Variants in EYA1 observed in about 807,000 individuals in gnomAD.
The protein encoded by EYA1 is protein phosphatase EYA1.
A neutral mutation model predicts 82.0 loss-of-function variants in EYA1; 16 were observed. That is an observed-to-expected ratio of 0.20 (90% CI 0.13 to 0.30). The LOEUF (loss-of-function observed/expected upper bound fraction) is 0.30. Among genes scored for constraint, EYA1 ranks in the 10% least tolerant of loss-of-function variants. The pLI is 1.00. For missense variants in EYA1, 633 were observed against 730.7 expected, an observed-to-expected ratio of 0.87 and a Z score of 1.54; for synonymous variants, 261 against 264.4, an observed-to-expected ratio of 0.99 and a Z score of 0.12.
At chr8:71,310,780 GTTT>G (rs59115215) in intron 7 of EYA1, among the ~76,000 whole-genome samples, 16,935 of 151,920 alleles carry the variant, frequency 0.11, 1,330 homozygotes, top group East Asian at 0.43. Flanking sequence ...GAAAATCAGA[GTTT>G]TTTATGAACC....
chr8:71,394,365 C>T (rs1829459430), intron 2 of EYA1, among the ~76,000 whole-genome samples: 1 of 152,114 alleles, frequency 6.6e-6, no homozygotes, highest in Non-Finnish European at 1.5e-5. Flanking sequence ...AAGCCCTTGC[C>T]CATGCCTATG....
chr8:71,287,625 T>A (rs59473241), intron 9 of EYA1, among the ~76,000 whole-genome samples: 2,533 of 152,298 alleles, frequency 0.017, 62 homozygotes, highest in African/African-American at 0.056. Flanking sequence ...TCATTCTACA[T>A]GAAAGAAACT....
At chr8:71,374,097 C>G (rs1828233734) in intron 2 of EYA1, among the ~76,000 whole-genome samples, 1 of 151,260 alleles carries the variant, frequency 6.6e-6, no homozygotes, top group South Asian at 2.1e-4. Context: ...TTGGAACGGA[C>G]AAAAAAGGCA....
At chr8:71,319,798 T>C (rs1004079328) in intron 6 of EYA1, among the ~76,000 whole-genome samples, 1 of 152,150 alleles carries the variant, frequency 6.6e-6, no homozygotes, top group Non-Finnish European at 1.5e-5. Flanking sequence ...CCTTCATGAA[T>C]GAGCAAAGGG....
intron 3 of EYA1, among the ~76,000 whole-genome samples, chr8:71,348,778 G>A (rs1472506971): frequency 2.0e-5 from 3 of 152,114 alleles, no homozygotes; most frequent in Admixed American, 6.5e-5. Flanking sequence ...TCCCAGGCAC[G>A]TTCTCGACTC....
At chr8:71,448,265 A>G (rs1232226050) in intron 2 of EYA1, among the ~76,000 whole-genome samples, 1 of 152,142 alleles carries the variant, frequency 6.6e-6, no homozygotes, top group Non-Finnish European at 1.5e-5. Flanking sequence ...GGCTGATGTA[A>G]TATTCTAAAT....
At position 71,488,163 on chromosome 8, in the gene EYA1, C is replaced by T. The variant is rs1383704124; in HGVS notation, c.33+47581G>A. 2.6e-5 allele frequency among the ~76,000 whole-genome samples: 4 copies of T among 151,398 alleles called. No individual in the cohort carries two copies. The East Asian group carries it at 7.7e-4, about 29-fold the overall frequency. On this transcript the variant is annotated intron_variant, in intron 2 of 18. Coordinates refer to the EYA1 transcript ENST00000643681. ...CAATGTAAAATATACATCAATGATA[C>T]ATCAATGATATACATCAAATATAAA...
At position 71,306,633 on chromosome 8, in the gene EYA1, A is replaced by G. The variant is rs565669370; in HGVS notation, c.557-6913T>C. ...GGATGTGATCACTGCTATATCGGAA[A>G]CTCACCTTGCTCAGTCTTGCTCCTC... On this transcript the variant is annotated intron_variant, in intron 7 of 17. Coordinates refer to ENST00000340726, the MANE Select transcript of EYA1 (RefSeq NM_000503.6). Among the ~76,000 whole-genome samples, 170 of 151,816 alleles carry G rather than the reference A, an allele frequency of 1.1e-3. 2 individuals are homozygous for G. Among genetic ancestry groups the G allele is most frequent in the Middle Eastern group, 3.4e-3 (1 of 294 alleles).
At chr8:71,205,102 G>A (rs1042067868) in intron 17 of EYA1, among the ~76,000 whole-genome samples, 38 of 152,060 alleles carry the variant, frequency 2.5e-4, no homozygotes, top group Admixed American at 2.6e-4. Flanking sequence ...TTATTAATCA[G>A]GTTCTCGGCT....
rs796673223 is a variant in EYA1 at position 71,342,399 on chromosome 8, T to G, written c.125-8225A>C. Among the ~76,000 whole-genome samples, 6 of 152,284 alleles carry G rather than the reference T, an allele frequency of 3.9e-5. No individual in the cohort carries two copies. The South Asian group carries it at 1.2e-3, about 32-fold the overall frequency. On this transcript the variant is annotated intron_variant, in intron 3 of 17. Transcript: ENST00000340726. ...TATTGTTTCTTCATTTAGAATGCAT[T>G]CCATCTCTTCTCCACCTATTCAAAT...
intron 2 of EYA1, among the ~76,000 whole-genome samples, chr8:71,430,757 G>A (rs534909726): frequency 7.6e-4 from 115 of 152,290 alleles, no homozygotes; most frequent in African/African-American, 2.6e-3. Flanking sequence ...GAAGAAGCCA[G>A]AGGGTAAGAA....
At chr8:71,503,525 G>A (rs970384293) in intron 2 of EYA1, among the ~76,000 whole-genome samples, 3 of 151,508 alleles carry the variant, frequency 2.0e-5, no homozygotes, top group African/African-American at 7.3e-5. Context: ...AAGATGGGAT[G>A]TCCAGAATAA....
chr8:71,412,201 G>C (rs1830632131), intron 2 of EYA1, among the ~76,000 whole-genome samples: 1 of 126,416 alleles, frequency 7.9e-6, no homozygotes, highest in African/African-American at 2.9e-5. Context: ...GACACAGGAA[G>C]GGGAATATCA....
At chr8:71,437,688 T>G (rs1219920383) in intron 2 of EYA1, among the ~76,000 whole-genome samples, 1 of 152,024 alleles carries the variant, frequency 6.6e-6, no homozygotes, top group African/African-American at 2.4e-5. Context: ...CCAACAAATT[T>G]TATTTGCAAG....
At chr8:71,399,937 G>C (rs764201781) in intron 2 of EYA1, among the ~76,000 whole-genome samples, 3 of 152,138 alleles carry the variant, frequency 2.0e-5, no homozygotes, top group Non-Finnish European at 2.9e-5. Flanking sequence ...AATGGCTCTG[G>C]TATAAAAATC....
At chr8:71,457,262 C>CAGA (rs1319094170) in intron 2 of EYA1, among the ~76,000 whole-genome samples, 1 of 152,166 alleles carries the variant, frequency 6.6e-6, no homozygotes, top group Non-Finnish European at 1.5e-5. Flanking sequence ...CAGGAAACAA[C>CAGA]AGATGCTGGA....
chr8:71,267,929 C>T (rs1358575769), intron 11 of EYA1, among the ~76,000 whole-genome samples: 1 of 152,088 alleles, frequency 6.6e-6, no homozygotes, highest in Non-Finnish European at 1.5e-5. Context: ...CTTGAAGAAG[C>T]CTCAAAGTTC....
At chr8:71,338,640 C>T (rs774281272) in intron 3 of EYA1, among the ~76,000 whole-genome samples, 1 of 152,170 alleles carries the variant, frequency 6.6e-6, no homozygotes, top group Non-Finnish European at 1.5e-5. Flanking sequence ...AGATGTCAGA[C>T]CATTCAGAAG....
chr8:71,223,921 C>T (rs549442069), intron 12 of EYA1, among the ~76,000 whole-genome samples: 7 of 152,212 alleles, frequency 4.6e-5, no homozygotes, highest in African/African-American at 1.7e-4. Flanking sequence ...TTCACTTGTA[C>T]CATAATTATG....
Sources: allele counts gnomAD v4.1 joint callset (sites outside exome capture counted in the v4.1 genomes callset), GRCh38; gene constraint gnomAD v4.1.1; transcripts MANE v1.5; gene names NCBI Gene and HGNC (gene_info 2026-07-23, HGNC 2026-07-21).